Variants in CCDC144A observed in about 807,000 individuals in gnomAD.
CCDC144A encodes the protein coiled-coil domain containing 144A.
Under a neutral mutation model 143.8 loss-of-function variants are expected in CCDC144A, and 41 were observed. The ratio of observed to expected loss-of-function variants is 0.29; its 90% CI spans 0.22 to 0.37. CCDC144A has a LOEUF of 0.37. Among genes scored for constraint, CCDC144A ranks in the 10% least tolerant of loss-of-function variants. The pLI, the probability that CCDC144A is intolerant of heterozygous loss-of-function variation, is 1.00. For missense variants in CCDC144A, 637 were observed against 1,488.8 expected, an observed-to-expected ratio of 0.43 and a Z score of 9.41; for synonymous variants, 242 against 517.9, an observed-to-expected ratio of 0.47 and a Z score of 7.23.
At chr17:16,771,890 A>C in intron 15 of CCDC144A, 87 bp from the exon 16 acceptor site, 1 of 1,108,052 alleles carries the variant, frequency 9.0e-7, no homozygotes, top group South Asian at 1.5e-5. Flanking sequence ...TAAAAGTATT[A>C]TTTAAAGGCC....
intron 12 of CCDC144A, chr17:16,745,920 C>T (rs1057203535): frequency 9.4e-6 from 15 of 1,603,008 alleles, no homozygotes; most frequent in African/African-American, 1.3e-5. Flanking sequence ...ATCCTCACTC[C>T]TTCTGGAAAG....
At chr17:16,773,369 G>A in intron 16 of CCDC144A, 128 bp from the exon 17 acceptor site, 1 of 1,286,904 alleles carries the variant, frequency 7.8e-7, no homozygotes, top group Non-Finnish European at 1.0e-6. Context: ...AATTGCTTAA[G>A]CCTGGGAGGA....
chr17:16,752,154 C>A (rs1914823244), intron 12 of CCDC144A, among the ~76,000 whole-genome samples: 1 of 152,202 alleles, frequency 6.6e-6, no homozygotes, highest in Non-Finnish European at 1.5e-5. Context: ...GTGAGCATTA[C>A]CACGTGAGCT....
chr17:16,682,202 GGTGTGTGTGTGTGTGTGTGTGTGTGT>G, the CCDC144A span, among the ~76,000 whole-genome samples: 2 of 145,230 alleles, frequency 1.4e-5, no homozygotes, highest in Non-Finnish European at 3.0e-5. Flanking sequence ...TCTGAAAATG[GGTGTGTGTGTGTGTGTGTGTGTGTGT>G]GTGTGTGTGT....
chr17:16,772,099 G>A (rs937130163), intron 16 of CCDC144A, 80 bp downstream of exon 16: 56 of 927,372 alleles, frequency 6.0e-5, no homozygotes, highest in South Asian at 8.1e-5. Flanking sequence ...ATCCCTTTCC[G>A]TTCTTGGGCT....
the CCDC144A span, among the ~76,000 whole-genome samples, chr17:16,678,821 C>G: frequency 1.4e-5 from 2 of 138,710 alleles, no homozygotes; most frequent in Non-Finnish European, 3.0e-5. Context: ...ATGGCGCAAT[C>G]TTGGCTCATG....
At chr17:16,667,297 C>T in the CCDC144A span, among the ~76,000 whole-genome samples, 1 of 149,228 alleles carries the variant, frequency 6.7e-6, no homozygotes, top group African/African-American at 2.5e-5. Flanking sequence ...GTTGAGGCGG[C>T]TGAGGCGGCT....
At chr17:16,702,174 G>A (rs1168231161) in intron 2 of CCDC144A, among the ~76,000 whole-genome samples, 3 of 152,130 alleles carry the variant, frequency 2.0e-5, no homozygotes, top group African/African-American at 7.2e-5. Context: ...CATTCTGGCA[G>A]CTTGAGTGAG....
chr17:16,670,307 T>TTTTTTTTTTTTAAAGGGCC, the CCDC144A span, among the ~76,000 whole-genome samples: 4 of 127,768 alleles, frequency 3.1e-5, no homozygotes, highest in Non-Finnish European at 6.6e-5. Context: ...TTTTTTTTTT[T>TTTTTTTTTTTTAAAGGGCC]GACAGAGTCT....
chr17:16,714,041 G>A (rs577380225), intron 6 of CCDC144A, among the ~76,000 whole-genome samples: 39 of 152,000 alleles, frequency 2.6e-4, no homozygotes, highest in African/African-American at 9.2e-4. Context: ...CAGCAATATT[G>A]GACCCAATGG....
chr17:16,695,839 T>C (rs1911366824), intron 2 of CCDC144A, among the ~76,000 whole-genome samples: 1 of 152,010 alleles, frequency 6.6e-6, no homozygotes, highest in Non-Finnish European at 1.5e-5. Context: ...CTTTTATAGG[T>C]AAAGAGGCAG....
chr17:16,722,697 A>C (rs1013666686), intron 8 of CCDC144A, among the ~76,000 whole-genome samples: 4 of 149,110 alleles, frequency 2.7e-5, no homozygotes, highest in African/African-American at 4.9e-5. Flanking sequence ...TCCCTCCCCA[A>C]CTCTTGGCAA....
At chr17:16,684,949 G>A (rs989605165), upstream of CCDC144A, among the ~76,000 whole-genome samples, 3 of 152,188 alleles carry the variant, frequency 2.0e-5, no homozygotes, top group Admixed American at 6.5e-5. Context: ...GCGACAGAGC[G>A]AGACCCTGTC....
intron 12 of CCDC144A, among the ~76,000 whole-genome samples, chr17:16,737,162 CTTTTTTTTTTT>C (rs757856458): frequency 9.7e-6 from 1 of 102,666 alleles, no homozygotes; most frequent in Non-Finnish European, 1.9e-5. Context: ...AGAGTTAAAT[CTTTTTTTTTTT>C]TTTTTTTTTT....
At position 16,775,524 on chromosome 17, in the gene CCDC144A, T is replaced by G. The variant is rs1198552100; in HGVS notation, c.*1891T>G. The G allele has an allele frequency of 6.6e-6, 1 of 152,276 alleles. No homozygotes were observed. Among genetic ancestry groups the G allele is most frequent in the African/African-American group, 2.4e-5 (1 of 41,470 alleles). The allele number at this position is 152,276 out of a possible 1,614,324, so 9.4% of individuals were successfully genotyped here. On this transcript the variant is annotated 3_prime_UTR_variant, in exon 17 of 17. Transcript: ENST00000399273. ...TTCTTTTGAAAAGTGTCTGTTTGTG[T>G]CCTTTGACCACTTTCTAATGGGGTT...
At chr17:16,761,896 T>C (rs536619967) in intron 13 of CCDC144A, among the ~76,000 whole-genome samples, 178 bp downstream of exon 13, 3 of 152,384 alleles carry the variant, frequency 2.0e-5, no homozygotes, top group Admixed American at 1.3e-4. Context: ...TTCTTATAAG[T>C]AAATTGATCT....
intron 12 of CCDC144A, among the ~76,000 whole-genome samples, chr17:16,755,742 G>A (rs1915050367): frequency 6.6e-6 from 1 of 152,152 alleles, no homozygotes; most frequent in African/African-American, 2.4e-5. Flanking sequence ...TATATTTTTA[G>A]TAGAGACAGG....
At chr17:16,693,311 A>G (rs1158431753) in intron 2 of CCDC144A, among the ~76,000 whole-genome samples, 9 of 150,088 alleles carry the variant, frequency 6.0e-5, no homozygotes, top group African/African-American at 2.3e-4. Flanking sequence ...TAAATAAGAA[A>G]AAGTGTTTTT....
At chr17:16,764,268 T>C (rs1915506722) in intron 15 of CCDC144A, 93 bp downstream of exon 15, 3 of 1,536,592 alleles carry the variant, frequency 2.0e-6, no homozygotes, top group Non-Finnish European at 2.6e-6. Flanking sequence ...TTGTGTATGG[T>C]AAGTAAAAGT....
Sources: gnomAD v4.1 joint callset for allele counts (sites outside exome capture counted in the v4.1 genomes callset) on GRCh38, gnomAD v4.1.1 for gene constraint, MANE v1.5 for transcripts, NCBI Gene and HGNC (gene_info 2026-07-23, HGNC 2026-07-21) for gene names.